Variants in CDYL observed in about 807,000 individuals in gnomAD.
The protein encoded by CDYL is chromodomain Y like, also known as chromodomain Y-like protein.
In CDYL, 8 loss-of-function variants were observed where a neutral mutation model predicts 47.3. That is an observed-to-expected ratio of 0.17 (90% confidence interval 0.10 to 0.31). The LOEUF is 0.31. Ranked by LOEUF, CDYL falls within the 10% of genes least tolerant of loss-of-function variation. The pLI is 1.00. For missense variants in CDYL, 471 were observed against 701.4 expected (o/e 0.67, Z 3.71); for synonymous variants, 266 against 265.0 (o/e 1.00, Z -0.04).
chr6:4,784,598 C>G (rs1048695648), intron 1 of CDYL, among the ~76,000 whole-genome samples: 6 of 152,164 alleles, frequency 3.9e-5, no homozygotes, highest in African/African-American at 1.4e-4. Flanking sequence ...TGTTCAATGT[C>G]TTTGTTCGGC....
At chr6:4,953,030 A>G (rs1267141420) in intron 6 of CDYL, among the ~76,000 whole-genome samples, 3 of 150,948 alleles carry the variant, frequency 2.0e-5, no homozygotes, top group African/African-American at 7.3e-5. Context: ...CAGCCTCCCA[A>G]AGTGCTGGAA....
At chr6:4,879,134 A>G (rs1316869291) in intron 1 of CDYL, among the ~76,000 whole-genome samples, 1 of 152,214 alleles carries the variant, frequency 6.6e-6, no homozygotes, top group Non-Finnish European at 1.5e-5. Context: ...ATCATTGTGA[A>G]TATTTCAAGT....
At chr6:4,863,751 A>G (rs1431793945) in intron 1 of CDYL, among the ~76,000 whole-genome samples, 1 of 152,250 alleles carries the variant, frequency 6.6e-6, no homozygotes, top group Non-Finnish European at 1.5e-5. Flanking sequence ...GACATATTTA[A>G]TGCAGAAGCT....
At chr6:4,818,497 G>A (rs1469061992) in intron 1 of CDYL, among the ~76,000 whole-genome samples, 3 of 152,074 alleles carry the variant, frequency 2.0e-5, no homozygotes, top group Admixed American at 6.5e-5. Flanking sequence ...GCGGACCTTG[G>A]GGGTGTTAGA....
intron 2 of CDYL, among the ~76,000 whole-genome samples, chr6:4,729,118 A>C (rs1056809601): frequency 6.6e-6 from 1 of 152,112 alleles, no homozygotes; most frequent in African/African-American, 2.4e-5. Flanking sequence ...GAAACTCATC[A>C]ATTACAGCAC....
chr6:4,782,212 C>T (rs969704833), intron 1 of CDYL, among the ~76,000 whole-genome samples: 6 of 151,940 alleles, frequency 3.9e-5, no homozygotes, highest in African/African-American at 1.2e-4. Context: ...TAGCTAAGGG[C>T]GTTGTAATTT....
chr6:4,936,211 A>G (rs1213595222), intron 3 of CDYL, among the ~76,000 whole-genome samples: 1 of 152,176 alleles, frequency 6.6e-6, no homozygotes, highest in Admixed American at 6.5e-5. Context: ...CCTTCAGAAT[A>G]TTTATCATCT....
chr6:4,906,490 G>A (rs533774872), intron 2 of CDYL, among the ~76,000 whole-genome samples: 17 of 152,318 alleles, frequency 1.1e-4, no homozygotes, highest in African/African-American at 4.1e-4. Flanking sequence ...CAAGCGTGAA[G>A]GCCACAGGAG....
In CDYL at chr6:4,810,857, A is replaced by G. The variant is rs11961596; in HGVS notation, c.24+34050A>G. ...ACTCTCCTATGTATGAGACCTAGTT[A>G]TTTCTCAAAAGTCTAACCTTTTAGT... On this transcript the variant is annotated intron_variant, in intron 1 of 6. Coordinates refer to ENST00000397588, the MANE Select transcript of CDYL (RefSeq NM_004824.4). Among the ~76,000 whole-genome samples the G allele has an allele frequency of 4.1e-3, 620 of 152,314 alleles. 1 individual carries two copies. Among genetic ancestry groups the G allele is most frequent in the African/African-American group, 0.014 (579 of 41,572 alleles).
intron 1 of CDYL, among the ~76,000 whole-genome samples, chr6:4,883,498 C>T (rs1409437102): frequency 6.6e-6 from 1 of 152,218 alleles, no homozygotes; most frequent in Non-Finnish European, 1.5e-5. Context: ...CACCTGCTAG[C>T]ACCTCTGGCT....
intron 1 of CDYL, among the ~76,000 whole-genome samples, chr6:4,792,373 G>T (rs1189006071): frequency 1.3e-5 from 2 of 151,038 alleles, no homozygotes; most frequent in African/African-American, 4.9e-5. Context: ...ATACATTTAT[G>T]TTTCACTTGC....
intron 1 of CDYL, among the ~76,000 whole-genome samples, chr6:4,800,706 G>C (rs1006864584): frequency 6.6e-6 from 1 of 152,134 alleles, no homozygotes; most frequent in African/African-American, 2.4e-5. Context: ...ATTCTTGGTT[G>C]ACTGGTTTTC....
intron 2 of CDYL, among the ~76,000 whole-genome samples, chr6:4,718,781 T>C (rs1757317297): frequency 6.6e-6 from 1 of 152,210 alleles, no homozygotes; most frequent in South Asian, 2.1e-4. Context: ...TATTTTCTTT[T>C]TCACTCGATT....
At chr6:4,930,674 G>C (rs561810046) in intron 2 of CDYL, among the ~76,000 whole-genome samples, 1 of 152,332 alleles carries the variant, frequency 6.6e-6, no homozygotes, top group South Asian at 2.1e-4. Context: ...CATTGTTAGA[G>C]ACTTGCAGTT....
intron 3 of CDYL, among the ~76,000 whole-genome samples, chr6:4,769,650 T>C (rs1165882865): frequency 6.6e-6 from 1 of 152,242 alleles, no homozygotes; most frequent in African/African-American, 2.4e-5. Flanking sequence ...GCTTTGCTGG[T>C]ACCCAAGCAT....
chr6:4,854,141 G>T (rs1027035996), intron 1 of CDYL, among the ~76,000 whole-genome samples: 1 of 151,738 alleles, frequency 6.6e-6, no homozygotes. Flanking sequence ...ACTCATCTTC[G>T]TAGGCTGCTA....
At chr6:4,748,844 T>C (rs1383991389) in intron 3 of CDYL, among the ~76,000 whole-genome samples, 2 of 152,210 alleles carry the variant, frequency 1.3e-5, no homozygotes, top group Non-Finnish European at 2.9e-5. Flanking sequence ...TTATTCCTTC[T>C]GCTATTCAAA....
In CDYL at chr6:4,776,678, C is replaced by A; in HGVS notation, c.-106C>A. 1.9e-6 allele frequency: 2 copies of A among 1,035,584 alleles called. No homozygotes were observed. The highest frequency in any genetic ancestry group is 1.3e-6 in the Non-Finnish European group (1 of 791,864). The allele number at this position is 1,035,584 out of a possible 1,614,324, so 64.1% of individuals were successfully genotyped here. On this transcript the variant is annotated 5_prime_UTR_variant, in exon 1 of 7. Transcript: ENST00000397588. Reference sequence around the variant, plus strand: ...CCCAGCGCCCGGCCGGCCGCGGGAGCAGGAAGCGCAGGCCACGCAGGACCC... The same window carrying A: ...CCCAGCGCCCGGCCGGCCGCGGGAGAAGGAAGCGCAGGCCACGCAGGACCC...
At chr6:4,904,664 C>T (rs1360975213) in intron 2 of CDYL, among the ~76,000 whole-genome samples, 3 of 152,192 alleles carry the variant, frequency 2.0e-5, no homozygotes, top group African/African-American at 7.2e-5. Context: ...ACTAGGTTCT[C>T]AAATATACTT....
Sources: gnomAD v4.1 joint callset for allele counts (sites outside exome capture counted in the v4.1 genomes callset) on GRCh38, gnomAD v4.1.1 for gene constraint, MANE v1.5 for transcripts, NCBI Gene and HGNC (gene_info 2026-07-23, HGNC 2026-07-21) for gene names.